Variants in ZNF609 observed in about 807,000 individuals in gnomAD.
ZNF609 encodes zinc finger protein 609.
Under a neutral mutation model 109.5 loss-of-function variants are expected in ZNF609, and 11 were observed. That is an observed-to-expected ratio of 0.10 (90% CI 0.06 to 0.17). The LOEUF is 0.17. ZNF609 is among the 10% of genes least tolerant of loss of function. The pLI, the probability that ZNF609 is intolerant of heterozygous loss-of-function variation, is 1.00. For missense variants in ZNF609, 1,559 were observed against 1,772.4 expected, an observed-to-expected ratio of 0.88 and a Z score of 2.16; for synonymous variants, 646 against 662.0, an observed-to-expected ratio of 0.98 and a Z score of 0.37.
chr15:64,562,872 AGTGTGT>A (rs6145601), intron 2 of ZNF609, among the ~76,000 whole-genome samples: 2,630 of 149,054 alleles, frequency 0.018, 42 homozygotes, highest in South Asian at 0.058. Flanking sequence ...GGTAAGCGTG[AGTGTGT>A]GTGTGTGTGT....
chr15:64,648,138 C>T (rs182956286), intron 3 of ZNF609, among the ~76,000 whole-genome samples: 4 of 152,220 alleles, frequency 2.6e-5, no homozygotes, highest in South Asian at 2.1e-4. Context: ...ACCGAAAATA[C>T]GAGCTCCTGA....
Position 64,674,885 on chromosome 15 carries a change from A to AG in ZNF609, c.2032dup (p.Ala678GlyfsTer65). 6.2e-7 allele frequency: 1 copy of AG among 1,614,110 alleles called. No homozygotes were observed. The highest frequency in any genetic ancestry group is 1.1e-5 in the South Asian group (1 of 91,086). On this transcript the variant is annotated frameshift_variant, in exon 5 of 10. Transcript: ENST00000326648. LOFTEE classifies it high-confidence loss of function. Reference sequence around the variant, plus strand: ...ACACCTTCCAGACAGCCACCTTCACAGCAGCGAGCCCAGGCTCTTCCTCAG... The same window carrying AG: ...ACACCTTCCAGACAGCCACCTTCACAGGCAGCGAGCCCAGGCTCTTCCTCAG...
chr15:64,642,930 T>A (rs546424163), intron 3 of ZNF609, among the ~76,000 whole-genome samples: 1 of 152,352 alleles, frequency 6.6e-6, no homozygotes, highest in East Asian at 1.9e-4. Flanking sequence ...TCTAATTCTT[T>A]CTAGTTTCTT....
At chr15:64,536,887 G>A (rs923294893) in intron 2 of ZNF609, among the ~76,000 whole-genome samples, 2 of 145,566 alleles carry the variant, frequency 1.4e-5, no homozygotes, top group African/African-American at 5.2e-5. Flanking sequence ...TCCAGCCTGG[G>A]CGACAGAGAG....
intron 2 of ZNF609, among the ~76,000 whole-genome samples, chr15:64,546,508 G>T (rs1167367205): frequency 1.4e-5 from 2 of 146,332 alleles, no homozygotes; most frequent in African/African-American, 5.0e-5. Context: ...GGTGAGCCCT[G>T]ATTGCACAGG....
intron 3 of ZNF609, among the ~76,000 whole-genome samples, chr15:64,645,506 A>G (rs747307036): frequency 6.6e-6 from 1 of 152,106 alleles, no homozygotes; most frequent in Non-Finnish European, 1.5e-5. Flanking sequence ...CTATGACACC[A>G]AAAGCACAAG....
chr15:64,593,831 A>G (rs1027866037), intron 2 of ZNF609, among the ~76,000 whole-genome samples: 1 of 152,276 alleles, frequency 6.6e-6, no homozygotes. Context: ...ATTCCAGAAC[A>G]TTCTGATGAT....
chr15:64,569,150 T>C (rs1173641126), intron 2 of ZNF609, among the ~76,000 whole-genome samples: 4 of 152,232 alleles, frequency 2.6e-5, no homozygotes, highest in African/African-American at 9.6e-5. Flanking sequence ...CATCTTCTCA[T>C]TGAAGCTTCT....
intron 3 of ZNF609, among the ~76,000 whole-genome samples, chr15:64,639,733 G>A (rs987922558): frequency 6.6e-6 from 1 of 151,988 alleles, no homozygotes; most frequent in Non-Finnish European, 1.5e-5. Context: ...GGTGGGACAG[G>A]GACACAGTTC....
intron 3 of ZNF609, among the ~76,000 whole-genome samples, chr15:64,650,176 G>A (rs1022474690): frequency 5.9e-5 from 9 of 151,600 alleles, no homozygotes; most frequent in Admixed American, 2.0e-4. Flanking sequence ...GGCCGAGGCC[G>A]GTGGATTTCC....
intron 3 of ZNF609, among the ~76,000 whole-genome samples, chr15:64,664,372 A>T (rs1896618897): frequency 6.6e-6 from 1 of 152,200 alleles, no homozygotes; most frequent in Admixed American, 6.6e-5. Context: ...TACTTAGATT[A>T]TGTCCATAAG....
chr15:64,475,133 C>G (rs997791682), intron 1 of ZNF609, among the ~76,000 whole-genome samples: 1 of 121,796 alleles, frequency 8.2e-6, no homozygotes. Context: ...AGCTATTCCT[C>G]TAAGTTACCC....
intron 2 of ZNF609, among the ~76,000 whole-genome samples, chr15:64,510,785 T>G (rs755009545): frequency 6.6e-6 from 1 of 152,150 alleles, no homozygotes; most frequent in East Asian, 1.9e-4. Flanking sequence ...AATTTGACTG[T>G]GCACCTGTGA....
intron 2 of ZNF609, among the ~76,000 whole-genome samples, chr15:64,522,494 A>C (rs1217987559): frequency 6.6e-6 from 1 of 152,166 alleles, no homozygotes; most frequent in South Asian, 2.1e-4. Context: ...ATGTGATCTC[A>C]CCCTGGAGTA....
intron 2 of ZNF609, among the ~76,000 whole-genome samples, chr15:64,527,970 ATTC>A (rs1394867129): frequency 6.6e-6 from 1 of 152,140 alleles, no homozygotes; most frequent in Non-Finnish European, 1.5e-5. Flanking sequence ...TTTACAGCAT[ATTC>A]TTGTTAGCCA....
intron 2 of ZNF609, among the ~76,000 whole-genome samples, chr15:64,546,306 A>T (rs528233819): frequency 6.6e-6 from 1 of 152,298 alleles, no homozygotes; most frequent in East Asian, 1.9e-4. Context: ...ATGCAGTGGC[A>T]TGATCACTGC....
rs2083231231 is a variant in ZNF609 at position 64,684,735 on chromosome 15, T to A, written c.*3049T>A. On this transcript the variant is annotated 3_prime_UTR_variant, in exon 10 of 10. Coordinates refer to ENST00000326648, the MANE Select transcript of ZNF609 (RefSeq NM_015042.2). ...AAGACTGCAGAGGGCTAGAGAATTATTTCATACAGGCTTTGAGGCCACCCA... is the reference window on the plus strand; with the variant it reads ...AAGACTGCAGAGGGCTAGAGAATTAATTCATACAGGCTTTGAGGCCACCCA... The A allele has an allele frequency of 2.0e-5, 3 of 152,694 alleles. No homozygotes were observed. In the South Asian group the frequency reaches 6.2e-4, roughly 32 times the overall value. The allele number at this position is 152,694 out of a possible 1,614,324, so 9.5% of individuals were successfully genotyped here.
intron 1 of ZNF609, among the ~76,000 whole-genome samples, chr15:64,485,738 C>A (rs935645708): frequency 3.9e-5 from 6 of 152,028 alleles, no homozygotes; most frequent in African/African-American, 1.4e-4. Context: ...AGGTGGAAAC[C>A]GTAGTGGGCC....
intron 3 of ZNF609, among the ~76,000 whole-genome samples, chr15:64,644,986 T>C (rs1193851870): frequency 7.1e-6 from 1 of 141,500 alleles, no homozygotes; most frequent in East Asian, 2.3e-4. Context: ...TTTCTTTTTC[T>C]TTCTTTCTTT....
Sources: allele counts gnomAD v4.1 joint callset (sites outside exome capture counted in the v4.1 genomes callset), GRCh38; gene constraint gnomAD v4.1.1; transcripts MANE v1.5; gene names NCBI Gene and HGNC (gene_info 2026-07-23, HGNC 2026-07-21).